Variants in LOXHD1 observed in about 807,000 individuals in gnomAD.
The protein encoded by LOXHD1 is lipoxygenase homology PLAT domains 1.
In LOXHD1, 205 loss-of-function variants were observed where a neutral mutation model predicts 248.2. That is an observed-to-expected ratio of 0.83 (90% CI 0.74 to 0.93). The LOEUF (loss-of-function observed/expected upper bound fraction) is 0.93. Ranked by LOEUF, LOXHD1 falls within the 40% of genes least tolerant of loss-of-function variation. The pLI is 0.00. For missense variants in LOXHD1, 2,930 were observed against 2,971.6 expected, an observed-to-expected ratio of 0.99 and a Z score of 0.33; for synonymous variants, 1,113 against 1,162.8, an observed-to-expected ratio of 0.96 and a Z score of 0.87.
chr18:46,637,100 C>T (rs540521227), intron 4 of LOXHD1, among the ~76,000 whole-genome samples: 31 of 152,172 alleles, frequency 2.0e-4, no homozygotes, highest in Non-Finnish European at 3.8e-4. Context: ...GAGCCGAGAT[C>T]GTGCCATTGC....
At chr18:46,588,243 G>T (rs2038098564) in intron 12 of LOXHD1, among the ~76,000 whole-genome samples, 1 of 152,052 alleles carries the variant, frequency 6.6e-6, no homozygotes, top group South Asian at 2.1e-4. Flanking sequence ...GCCATAAAGA[G>T]CAGTTGAGAG....
rs397517862 is a variant in LOXHD1 at position 46,542,818 on chromosome 18, A to G, written c.3657T>C (p.Asp1219=). 3 of 1,551,666 alleles carry G rather than the reference A, an allele frequency of 1.9e-6. No individual in the cohort carries two copies. The part of the protein sequence containing the change: ...TLLKSSKTNS[D]KFERDSIEIF... ...TTTCAATGCTGTCCCTCTCAAACTT[A>G]TCGCTGTTTGTCTTGGAGGACTTCA... The change falls in exon 24 of 41, where the codon GAT becomes GAC. Residue 1219 remains aspartate, a synonymous_variant. Transcript: ENST00000642948.
chr18:46,610,480 C>T (rs1260393623), intron 6 of LOXHD1, among the ~76,000 whole-genome samples: 2 of 152,024 alleles, frequency 1.3e-5, no homozygotes, highest in Non-Finnish European at 2.9e-5. Context: ...AGCAAACCAA[C>T]ATGGCACATG....
At chr18:46,629,788 G>T (rs1254804190) in intron 4 of LOXHD1, among the ~76,000 whole-genome samples, 1 of 138,326 alleles carries the variant, frequency 7.2e-6, no homozygotes, top group African/African-American at 2.7e-5. Flanking sequence ...TTCTCACTGG[G>T]CATTAAAAAA....
intron 37 of LOXHD1, among the ~76,000 whole-genome samples, chr18:46,495,401 C>A (rs1331338293): frequency 6.6e-6 from 1 of 151,488 alleles, no homozygotes; most frequent in Non-Finnish European, 1.5e-5. Context: ...CAGAAAAATT[C>A]TAGCTACTAA....
Position 46,538,183 on chromosome 18 carries a change from C to T in LOXHD1, c.4068G>A (p.Arg1356=), listed in dbSNP as rs539688337. Residue 1356 remains arginine, a synonymous_variant, in exon 26 of 41, where the codon AGG becomes AGA. Coordinates refer to ENST00000642948, the MANE Select transcript of LOXHD1 (RefSeq NM_001384474.1). ...CTACGATGAAGCGGGAGGCAGACTT[C>T]CTCTCAAAGAACTGCTTCTGTTCCC... ...NKREQKQFFE[R]KSASRFIVEL... The T allele has an allele frequency of 6.9e-5, 106 of 1,533,040 alleles. No homozygotes were observed. The East Asian group carries it at 9.4e-4, about 14-fold the overall frequency. The allele number at this position is 1,533,040 out of a possible 1,614,324, so 95.0% of individuals were successfully genotyped here. A position where few individuals can be genotyped will look rare whatever the true frequency, so the allele number is the denominator to read the frequency against.
intron 4 of LOXHD1, among the ~76,000 whole-genome samples, chr18:46,623,439 A>G (rs1261953035): frequency 6.6e-6 from 1 of 152,230 alleles, no homozygotes; most frequent in African/African-American, 2.4e-5. Flanking sequence ...AGCTAAACAC[A>G]TGGTACCTTT....
chr18:46,534,433 T>C lies in LOXHD1; in HGVS notation c.4114A>G (p.Ile1372Val), dbSNP rs950255462. 1.9e-6 allele frequency: 3 copies of C among 1,551,526 alleles called. No homozygotes were observed. Among genetic ancestry groups the C allele is most frequent in the Non-Finnish European group, 2.6e-6 (3 of 1,146,892 alleles). Reference sequence around the variant, plus strand: ...TGGCCAATCCGAATTTTTTCAATGATTTCTCCCACATCTTCTAACTTTGGA... The same window carrying C: ...TGGCCAATCCGAATTTTTTCAATGACTTCTCCCACATCTTCTAACTTTGGA... The part of the protein sequence containing the change: ...FIVELEDVGE[I>V]IEKIRIGHNN... The change falls in exon 27 of 41, where the codon ATC becomes GTC. Residue 1372 changes from isoleucine to valine, a missense_variant. By Grantham distance (29) the Ile-to-Val change is conservative. Transcript: ENST00000642948.
chr18:46,477,413 G>A lies in LOXHD1; in HGVS notation c.*59C>T. On this transcript the variant is annotated 3_prime_UTR_variant, in exon 41 of 41. Coordinates refer to ENST00000642948, the MANE Select transcript of LOXHD1 (RefSeq NM_001384474.1). Reference sequence around the variant, plus strand: ...CTTTGAAGGGCTGCTGACCGCCAAGGTGGAGGGCAGAAATGTGAGATTGGG... The same window carrying A: ...CTTTGAAGGGCTGCTGACCGCCAAGATGGAGGGCAGAAATGTGAGATTGGG... The A allele has an allele frequency of 2.0e-6, 3 of 1,529,686 alleles. No individual in the cohort carries two copies. Among genetic ancestry groups the A allele is most frequent in the South Asian group, 2.5e-5 (2 of 80,512 alleles). 94.8% of individuals were successfully genotyped at this position (1,529,686 alleles called of 1,614,324 possible).
intron 8 of LOXHD1, among the ~76,000 whole-genome samples, chr18:46,600,620 GAA>G (rs1244067528): frequency 9.3e-4 from 127 of 136,758 alleles, no homozygotes; most frequent in African/African-American, 3.1e-3. Flanking sequence ...AGGAAGGAAG[GAA>G]GGAAGGGAGG....
chr18:46,511,464 C>G (rs1300561294), intron 34 of LOXHD1, among the ~76,000 whole-genome samples: 1 of 152,204 alleles, frequency 6.6e-6, no homozygotes, highest in Non-Finnish European at 1.5e-5. Context: ...GAAGGGCCCC[C>G]TTTGGCTGCC....
rs1216800039 is a variant in LOXHD1 at position 46,557,495 on chromosome 18, A to G, written c.3217-6T>C. ...TAGATGGTGAAGGTGTCTGTCTGGG[A>G]AGGGCCAGGGAACACTCAGTGGGGT... On this transcript the variant is annotated splice_region_variant and splice_polypyrimidine_tract_variant and intron_variant, in intron 20 of 40. Transcript: ENST00000642948. The G allele has an allele frequency of 6.4e-7, 1 of 1,551,620 alleles. No individual in the cohort carries two copies. Among genetic ancestry groups the G allele is most frequent in the African/African-American group, 1.4e-5 (1 of 72,992 alleles).
rs765628233 is a variant in LOXHD1, at chr18:46,533,128, C to T, written c.4375+34G>A. The T allele has an allele frequency of 2.2e-5, 34 of 1,549,972 alleles. 1 individual carries two copies. The South Asian group carries it at 3.6e-4, about 16-fold the overall frequency. On this transcript the variant is annotated intron_variant, in intron 28 of 40. Transcript: ENST00000642948. Reference sequence around the variant, plus strand: ...AGGAGGACCAGGGTCCTGGAGCCTTCCCATGGTGATGAGGGTGGCCACACC... The same window carrying T: ...AGGAGGACCAGGGTCCTGGAGCCTTTCCATGGTGATGAGGGTGGCCACACC...
chr18:46,518,987 G>T, intron 33 of LOXHD1: 2 of 985,498 alleles, frequency 2.0e-6, no homozygotes, highest in Non-Finnish European at 1.2e-6. Context: ...GCTCCAAAGA[G>T]AATGTCTGCC....
intron 1 of LOXHD1, among the ~76,000 whole-genome samples, chr18:46,650,483 G>A (rs758988291): frequency 5.9e-5 from 9 of 152,002 alleles, no homozygotes; most frequent in Non-Finnish European, 1.3e-4. Context: ...CTGAGCTAAG[G>A]GCTTACATGT....
rs541024370 is a variant in LOXHD1, at chr18:46,559,565, C to A, written c.3099G>T (p.Val1033=). 7.7e-6 allele frequency: 12 copies of A among 1,551,902 alleles called. No homozygotes were observed. In the South Asian group the frequency reaches 1.1e-4, roughly 14 times the overall value. The change falls in exon 20 of 41, where the codon GTG becomes GTT. Residue 1033 remains valine (V), a synonymous_variant. Coordinates refer to ENST00000642948, the MANE Select transcript of LOXHD1 (RefSeq NM_001384474.1). ...TYEVQVVTGN[V]PKAGTDANVY... ...CGTTAGCATCAGTGCCGGCCTTGGG[C>A]ACATTCCCCGTGACCACCTGAACCT...
intron 37 of LOXHD1, among the ~76,000 whole-genome samples, chr18:46,504,607 T>C (rs572829309): frequency 3.6e-4 from 55 of 152,368 alleles, no homozygotes; most frequent in African/African-American, 1.3e-3. Context: ...GAGTTTATTC[T>C]GTGTTATGGA....
chr18:46,480,656 C>T (rs2032484435), intron 40 of LOXHD1, among the ~76,000 whole-genome samples: 1 of 151,980 alleles, frequency 6.6e-6, no homozygotes, highest in Non-Finnish European at 1.5e-5. Flanking sequence ...GGGAAGGTGT[C>T]CAGCCAGAGT....
At chr18:46,560,048 T>TGCCAGGCCC in intron 19 of LOXHD1, 35 bp downstream of exon 19, 1 of 1,226,298 alleles carries the variant, frequency 8.2e-7, no homozygotes, top group Non-Finnish European at 1.1e-6. Context: ...GTCTGGCCAC[T>TGCCAGGCCC]CCCTCCCCAC....
Sources: allele counts gnomAD v4.1 joint callset (sites outside exome capture counted in the v4.1 genomes callset), GRCh38; gene constraint gnomAD v4.1.1; transcripts MANE v1.5; gene names NCBI Gene and HGNC (gene_info 2026-07-23, HGNC 2026-07-21).